ADAMTS2: variants seen among roughly 807,000 people sequenced by gnomAD.
ADAMTS2 encodes the protein ADAM metallopeptidase with thrombospondin type 1 motif 2.
ADAMTS2 carries 50 observed loss-of-function variants against 123.0 expected under a neutral mutation model. The ratio of observed to expected loss-of-function variants is 0.41; its 90% confidence interval spans 0.32 to 0.51. The LOEUF is 0.51. ADAMTS2 is among the 20% of genes least tolerant of loss of function. The pLI is 0.35. For synonymous variants in ADAMTS2, 678 were observed against 695.4 expected, an observed-to-expected ratio of 0.98 and a Z score of 0.39; for missense variants, 1,494 against 1,705.2, an observed-to-expected ratio of 0.88 and a Z score of 2.18.
chr5:179,283,549 C>CAAAAAAAAAA (rs3986816), intron 2 of ADAMTS2, among the ~76,000 whole-genome samples: 7 of 51,328 alleles, frequency 1.4e-4, no homozygotes, highest in African/African-American at 5.7e-4. Context: ...AGAAAAACAG[C>CAAAAAAAAAA]AAAAAAAAAA....
chr5:179,323,831 A>G (rs545869280), intron 2 of ADAMTS2, among the ~76,000 whole-genome samples: 1 of 152,358 alleles, frequency 6.6e-6, no homozygotes, highest in South Asian at 2.1e-4. Flanking sequence ...AGCACACAAA[A>G]AAGTTTTACA....
At chr5:179,190,920 CTGCTGTGCCCAGGCACGTCCGCGAGTG>C (rs1764289738) in intron 4 of ADAMTS2, among the ~76,000 whole-genome samples, 1 of 152,278 alleles carries the variant, frequency 6.6e-6, no homozygotes, top group Non-Finnish European at 1.5e-5. Flanking sequence ...GCTGGAGGGG[CTGCTGTGCCCAGGCACGTCCGCGAGTG>C]TGACCCAGCC....
chr5:179,254,562 A>G (rs2113474897), intron 3 of ADAMTS2, among the ~76,000 whole-genome samples: 1 of 152,316 alleles, frequency 6.6e-6, no homozygotes, highest in African/African-American at 2.4e-5. Context: ...AAGCAACTCA[A>G]ATGCTTGTAG....
chr5:179,241,216 G>A (rs2113450744), intron 3 of ADAMTS2, among the ~76,000 whole-genome samples: 1 of 152,338 alleles, frequency 6.6e-6, no homozygotes, highest in African/African-American at 2.4e-5. Flanking sequence ...TTCGGGTGGA[G>A]GAACAAAGCC....
Position 179,181,504 on chromosome 5 carries a change from G to A in ADAMTS2, c.892-349C>T, listed in dbSNP as rs528403880. Among the ~76,000 whole-genome samples the A allele has an allele frequency of 7.9e-5, 12 of 152,242 alleles. No individual in the cohort carries two copies. Among genetic ancestry groups the A allele is most frequent in the East Asian group, 5.8e-4 (3 of 5,168 alleles). ...CACAACCTTCCCTTCAACAGTGAACGTGGGTGATGGACCCCCGCGGCACAG... is the reference window on the plus strand; with the variant it reads ...CACAACCTTCCCTTCAACAGTGAACATGGGTGATGGACCCCCGCGGCACAG... On this transcript the variant is annotated intron_variant, in intron 4 of 21. Coordinates refer to ENST00000251582, the MANE Select transcript of ADAMTS2 (RefSeq NM_014244.5). The surrounding 1 kb of genome is among the most constrained non-coding windows in gnomAD (Gnocchi z 4.1).
At chr5:179,196,944 G>C (rs1314209537) in intron 4 of ADAMTS2, among the ~76,000 whole-genome samples, 1 of 152,274 alleles carries the variant, frequency 6.6e-6, no homozygotes, top group African/African-American at 2.4e-5. Flanking sequence ...CCTGGGGCCA[G>C]AGTTTGCCAA....
chr5:179,207,475 T>TGCCCCCCCCCCCCCCCC, intron 4 of ADAMTS2, 38 bp downstream of exon 4: 1 of 588,618 alleles, frequency 1.7e-6, no homozygotes, highest in Non-Finnish European at 3.2e-6. Context: ...TGGTTGACCC[T>TGCCCCCCCCCCCCCCCC]CCCCGCCCCA....
chr5:179,154,102 G>A lies in ADAMTS2; in HGVS notation c.1329C>T (p.Phe443=). ...SIMAPLVQAA[F]HRFHWSRCSQ... ...TGCAGCGGGACCAGTGGAAGCGGTG[G>A]AAGGCGGCCTGCACCAGGGGCGCCA... Residue 443 remains phenylalanine (F), a synonymous_variant, in exon 8 of 22, where the codon TTC becomes TTT. Transcript: ENST00000251582. 1 of 1,602,204 alleles carries A rather than the reference G, an allele frequency of 6.2e-7. No homozygotes were observed. The highest frequency in any genetic ancestry group is 8.5e-7 in the Non-Finnish European group (1 of 1,177,906).
intron 1 of ADAMTS2, among the ~76,000 whole-genome samples, chr5:179,344,575 C>T (rs940320424): frequency 3.9e-5 from 6 of 152,234 alleles, no homozygotes; most frequent in African/African-American, 1.4e-4. Context: ...ACCCGTGTGC[C>T]ACGACCCCTC....
rs770236044 is a variant in ADAMTS2, at chr5:179,158,816, A to G, written c.1039T>C (p.Tyr347His). 2.5e-5 allele frequency: 41 copies of G among 1,614,212 alleles called. No individual in the cohort carries two copies. The highest frequency in any genetic ancestry group is 3.2e-5 in the Non-Finnish European group (38 of 1,180,048). ...CCCGTGTCTGGCTTCTGCTGGAGGTAGGCCCAGCGGCAGACATTCTCCAGG... is the reference window on the plus strand; with the variant it reads ...CCCGTGTCTGGCTTCTGCTGGAGGTGGGCCCAGCGGCAGACATTCTCCAGG... ...QSLENVCRWAYLQQKPDTGHD... is the reference protein window; with the variant it reads ...QSLENVCRWAHLQQKPDTGHD... Residue 347 changes from tyrosine (Y) to histidine (H), a missense_variant, in exon 6 of 22, where the codon TAC becomes CAC. Coordinates refer to ENST00000251582, the MANE Select transcript of ADAMTS2 (RefSeq NM_014244.5). The surrounding 1 kb of genome is among the most constrained non-coding windows in gnomAD (Gnocchi z 5.0).
chr5:179,212,808 G>C (rs1490076173), intron 3 of ADAMTS2, among the ~76,000 whole-genome samples: 2 of 152,030 alleles, frequency 1.3e-5, no homozygotes, highest in African/African-American at 4.8e-5. Context: ...GGCAGGTGTG[G>C]GCTCTGAGGT....
rs1049839769 is a variant in ADAMTS2 at position 179,189,523 on chromosome 5, T to G, written c.892-8368A>C. The stretch of plus-strand genomic sequence containing the variant: ...CCAGTGCGCCTGGTTTTTTTTTTTT[T>G]TTTTTTTTTTTTTTTAGTAGAGGCA... On this transcript the variant is annotated intron_variant, in intron 4 of 21. Coordinates refer to ENST00000251582, the MANE Select transcript of ADAMTS2 (RefSeq NM_014244.5). This position sits in a 1 kb window ranked among gnomAD's most constrained non-coding sequence, Gnocchi z 4.2. Among the ~76,000 whole-genome samples, 1 of 139,628 alleles carries G rather than the reference T, an allele frequency of 7.2e-6. No homozygotes were observed. The highest frequency in any genetic ancestry group is 2.7e-5 in the African/African-American group (1 of 37,280). The allele number at this position is 139,628 out of a possible 152,430, so 91.6% of individuals were successfully genotyped here.
In ADAMTS2 at chr5:179,137,913, G is replaced by A; in HGVS notation, c.1807C>T (p.Leu603Phe). The change falls in exon 12 of 22, where the codon CTT becomes TTT. Residue 603 changes from leucine (L) to phenylalanine (F), a missense_variant. Around this residue, in one of 6 missense-constraint regions of ADAMTS2, gnomAD observed 953 missense variants for 1,124.7 expected, o/e 0.85. Transcript: ENST00000251582. ...CTGCAGAGCTGGAAGTCGTAGGCAA[G>A]GCCCGAGCAGGTGCGGCCCCCGTTG... The part of the protein sequence containing the change: ...PANGGRTCSG[L>F]AYDFQLCSRQ... 6.4e-7 allele frequency: 1 copy of A among 1,551,302 alleles called. No homozygotes were observed. Among genetic ancestry groups the A allele is most frequent in the African/African-American group, 1.4e-5 (1 of 73,320 alleles).
At chr5:179,231,537 G>C (rs923795454) in intron 3 of ADAMTS2, among the ~76,000 whole-genome samples, 5 of 152,284 alleles carry the variant, frequency 3.3e-5, no homozygotes, top group East Asian at 3.9e-4. Flanking sequence ...GAACTGTAAG[G>C]GGCCGGTGAC....
intron 10 of ADAMTS2, among the ~76,000 whole-genome samples, chr5:179,146,704 CCTTT>C (rs1360287368): frequency 1.3e-5 from 2 of 152,114 alleles, no homozygotes; most frequent in Non-Finnish European, 2.9e-5. Flanking sequence ...TGATATAAAA[CCTTT>C]CTTTTTTGGT....
intron 2 of ADAMTS2, chr5:179,341,378 AAAGAG>A (rs762683950): frequency 9.8e-5 from 38 of 386,462 alleles, no homozygotes; most frequent in Middle Eastern, 9.0e-4. Flanking sequence ...GGAAGGAAGG[AAAGAG>A]AAGAGAAGAG....
At chr5:179,154,772 AGGGT>A (rs1763435951) in intron 7 of ADAMTS2, 38 bp downstream of exon 7, 1 of 1,510,880 alleles carries the variant, frequency 6.6e-7, no homozygotes, top group Admixed American at 1.9e-5. Flanking sequence ...TGGGGATCCT[AGGGT>A]GGCCCCTCTG....
Position 179,129,697 on chromosome 5 carries a change from G to A in ADAMTS2, c.2457+235C>T, listed in dbSNP as rs1016871085. 1.3e-5 allele frequency among the ~76,000 whole-genome samples: 2 copies of A among 152,228 alleles called. No homozygotes were observed. The highest frequency in any genetic ancestry group is 2.9e-5 in the Non-Finnish European group (2 of 68,046). On this transcript the variant is annotated intron_variant, in intron 16 of 21. Transcript: ENST00000251582. This position sits in a 1 kb window ranked among gnomAD's most constrained non-coding sequence, Gnocchi z 4.1. The stretch of plus-strand genomic sequence containing the variant: ...AGATGGTGAAACCGAAACCCTCAAA[G>A]GGAGAGTGTGCCCAAGGTCACCTAG...
In ADAMTS2 at chr5:179,175,377, A is replaced by G. The variant is rs1763909345; in HGVS notation, c.975+5695T>C. On this transcript the variant is annotated intron_variant, in intron 5 of 21. Transcript: ENST00000251582. The surrounding 1 kb of genome is among the most constrained non-coding windows in gnomAD (Gnocchi z 4.1). ...CACTTCATAACATTTCCAACTATGAATCTGGGAAAGGCCAACCTCTCGATT... is the reference window on the plus strand; with the variant it reads ...CACTTCATAACATTTCCAACTATGAGTCTGGGAAAGGCCAACCTCTCGATT... 1.3e-5 allele frequency among the ~76,000 whole-genome samples: 2 copies of G among 152,228 alleles called. No individual in the cohort carries two copies.
Sources: gnomAD v4.1 joint callset for allele counts (sites outside exome capture counted in the v4.1 genomes callset) on GRCh38, gnomAD v4.1.1 for gene constraint, gnomAD v4.1.1 regional missense constraint, Gnocchi (gnomAD v3.1) non-coding constraint, MANE v1.5 for transcripts, NCBI Gene and HGNC (gene_info 2026-07-23, HGNC 2026-07-21) for gene names.